Variants in PHKG1 observed in about 807,000 individuals in gnomAD.
PHKG1 encodes phosphorylase kinase catalytic subunit gamma 1.
Under a neutral mutation model 50.5 loss-of-function variants are expected in PHKG1, and 48 were observed. The observed-to-expected ratio is 0.95, with a 90% CI of 0.75 to 1.21. The LOEUF (loss-of-function observed/expected upper bound fraction) is 1.21, where lower values mean the gene tolerates loss of function less well. PHKG1 is among the 50% of genes most tolerant of loss of function. The pLI, the probability that PHKG1 is intolerant of heterozygous loss-of-function variation, is 0.00. For missense variants in PHKG1, 487 were observed against 519.5 expected (o/e 0.94, Z 0.61); for synonymous variants, 204 against 212.8 (o/e 0.96, Z 0.36).
chr7:56,083,613 TG>T, intron 5 of PHKG1, 36 bp downstream of exon 5: 2 of 1,553,416 alleles, frequency 1.3e-6, no homozygotes, highest in African/African-American at 1.4e-5. Flanking sequence ...CTAAGCCACG[TG>T]GGAGGGAGCG....
chr7:56,088,768 G>T, intron 2 of PHKG1, 91 bp downstream of exon 2: 1 of 802,910 alleles, frequency 1.2e-6, no homozygotes, highest in Non-Finnish European at 2.1e-6. Flanking sequence ...TGAAAGTGGC[G>T]TTAGTACTCG....
Position 56,081,003 on chromosome 7 carries a change from A to T in PHKG1, c.*51T>A, listed in dbSNP as rs1795947031. The T allele has an allele frequency of 3.1e-6, 5 of 1,601,408 alleles. No individual in the cohort carries two copies. In the East Asian group the frequency reaches 1.1e-4, roughly 36 times the overall value. On this transcript the variant is annotated 3_prime_UTR_variant, in exon 10 of 10. Transcript: ENST00000297373. The surrounding 1 kb of genome is among the most constrained non-coding windows in gnomAD (Gnocchi z 4.6). Reference sequence around the variant, plus strand: ...TCTCACCCCTTTGACTTGTATTTCCATGGCTTCCCCTCCCCACCTGCCCCC... The same window carrying T: ...TCTCACCCCTTTGACTTGTATTTCCTTGGCTTCCCCTCCCCACCTGCCCCC...
chr7:56,089,616 C>T (rs1025628403), intron 1 of PHKG1, among the ~76,000 whole-genome samples: 1 of 144,102 alleles, frequency 6.9e-6, no homozygotes, highest in Non-Finnish European at 1.5e-5. Context: ...CTCCACCTCC[C>T]AGGTTCAAGC....
intron 5 of PHKG1, 86 bp from the exon 6 acceptor site, chr7:56,083,527 T>A (rs1796118361): frequency 6.5e-7 from 1 of 1,545,410 alleles, no homozygotes; most frequent in Non-Finnish European, 8.9e-7. Context: ...TCAGCCACAC[T>A]GCAAGGGAGC....
chr7:56,081,842 C>A lies in PHKG1; in HGVS notation c.792+51G>T. ...AAGGCAGGGCCTCCCCGGGCAGGGGCGCCTGGCATCGCAGCCCTGAGCCCA... is the reference window on the plus strand; with the variant it reads ...AAGGCAGGGCCTCCCCGGGCAGGGGAGCCTGGCATCGCAGCCCTGAGCCCA... On this transcript the variant is annotated intron_variant, in intron 8 of 9. Transcript: ENST00000297373. The surrounding 1 kb of genome is among the most constrained non-coding windows in gnomAD (Gnocchi z 4.6). The A allele has an allele frequency of 6.2e-7, 1 of 1,609,196 alleles. No homozygotes were observed.
intron 2 of PHKG1, chr7:56,088,627 G>T: frequency 2.3e-6 from 1 of 427,708 alleles, no homozygotes; most frequent in South Asian, 4.0e-5. Flanking sequence ...AAAGTGCTGG[G>T]ATTACAGGTG....
chr7:56,089,342 G>T (rs1353476850), intron 1 of PHKG1, among the ~76,000 whole-genome samples: 2 of 151,438 alleles, frequency 1.3e-5, no homozygotes, highest in Non-Finnish European at 2.9e-5. Flanking sequence ...AGAGGTTGCA[G>T]TGAGCCGAGA....
At chr7:56,087,821 A>C in intron 2 of PHKG1, 45 bp from the exon 3 acceptor site, 1 of 1,519,778 alleles carries the variant, frequency 6.6e-7, no homozygotes, top group Non-Finnish European at 9.0e-7. Flanking sequence ...CCCTCACCCC[A>C]TGGGGGGTCC....
At position 56,088,849 on chromosome 7, in the gene PHKG1, T is replaced by A. The variant is rs375905438; in HGVS notation, c.83+10A>T. ...AGGACAGCACTTCGTGGGGAAAGCT[T>A]GGGCTTTACCTGCCCAGGATCTCTT... On this transcript the variant is annotated intron_variant, in intron 2 of 9. Transcript: ENST00000297373. 37 of 1,605,514 alleles carry A rather than the reference T, an allele frequency of 2.3e-5. No individual in the cohort carries two copies. The highest frequency in any genetic ancestry group is 3.2e-5 in the Non-Finnish European group (37 of 1,173,368).
intron 1 of PHKG1, among the ~76,000 whole-genome samples, chr7:56,089,794 G>A (rs1381648569): frequency 6.6e-6 from 1 of 152,142 alleles, no homozygotes; most frequent in East Asian, 1.9e-4. Context: ...AAAGTGCTGG[G>A]ATTAAAGGCG....
chr7:56,082,563 A>T (rs761884107), intron 6 of PHKG1, among the ~76,000 whole-genome samples: 6 of 152,036 alleles, frequency 3.9e-5, no homozygotes, highest in Non-Finnish European at 8.8e-5. Flanking sequence ...ACTTCACTCC[A>T]GCCTGGTGAC....
At chr7:56,087,227 A>G (rs977989091) in intron 3 of PHKG1, among the ~76,000 whole-genome samples, 28 of 147,644 alleles carry the variant, frequency 1.9e-4, no homozygotes, top group Admixed American at 1.8e-3. Context: ...TATTATTATT[A>G]TTATTATTAT....
At chr7:56,092,688 T>C (rs954649402) in intron 1 of PHKG1, 148 bp downstream of exon 1, 2 of 152,028 alleles carry the variant, frequency 1.3e-5, no homozygotes, top group Admixed American at 1.3e-4. Flanking sequence ...GTTTCAAGGG[T>C]CAATGCTGCC....
intron 2 of PHKG1, 79 bp from the exon 3 acceptor site, chr7:56,087,855 T>A: frequency 8.8e-7 from 1 of 1,139,676 alleles, no homozygotes; most frequent in Non-Finnish European, 1.3e-6. Context: ...GCAGCAGAGA[T>A]GTCCTGCCCT....
intron 6 of PHKG1, among the ~76,000 whole-genome samples, chr7:56,082,651 C>T (rs3778868): frequency 4.6e-5 from 7 of 152,086 alleles, no homozygotes; most frequent in African/African-American, 4.8e-5. Context: ...AAATGGCGCT[C>T]GGGCTGGGAC....
chr7:56,088,956 T>C lies in PHKG1; in HGVS notation c.-15A>G, dbSNP rs767285278. The C allele has an allele frequency of 6.3e-7, 1 of 1,592,162 alleles. No individual in the cohort carries two copies. The highest frequency in any genetic ancestry group is 8.6e-7 in the Non-Finnish European group (1 of 1,160,510). ...TCCCGGGTCATGCTCAGATCTTCAG[T>C]GAGGGAACTCTGGGTGGCTCTGAGA... On this transcript the variant is annotated 5_prime_UTR_variant, in exon 2 of 10. Coordinates refer to ENST00000297373, the MANE Select transcript of PHKG1 (RefSeq NM_006213.5).
At chr7:56,085,170 A>T (rs1796200768) in intron 4 of PHKG1, among the ~76,000 whole-genome samples, 2 of 152,154 alleles carry the variant, frequency 1.3e-5, no homozygotes, top group South Asian at 4.1e-4. Context: ...CATGTTGCCC[A>T]GGCTGGTCTC....
In PHKG1 at chr7:56,080,874, A is replaced by T; in HGVS notation, c.*180T>A. 1.4e-6 allele frequency: 1 copy of T among 706,272 alleles called. No individual in the cohort carries two copies. The allele number at this position is 706,272 out of a possible 1,614,324, so 43.8% of individuals were successfully genotyped here. ...CCTGCAGGTATTGCTGTGTGGTGGG[A>T]ACACCCACTTCCCTTGTGCACAGCC... On this transcript the variant is annotated 3_prime_UTR_variant, in exon 10 of 10. Transcript: ENST00000297373.
chr7:56,082,066 G>A lies in PHKG1; in HGVS notation c.639-20C>T, dbSNP rs747814066. 3.3e-5 allele frequency: 53 copies of A among 1,610,144 alleles called. No individual in the cohort carries two copies. Among genetic ancestry groups the A allele is most frequent in the Admixed American group, 1.3e-4 (8 of 59,870 alleles). On this transcript the variant is annotated intron_variant, in intron 7 of 9. Transcript: ENST00000297373. ...CTCCACCTGGACATGCGAGGGCCCA[G>A]GGCCACTTACCCAGCGCCAGGGGCA...
Sources: allele counts gnomAD v4.1 joint callset (sites outside exome capture counted in the v4.1 genomes callset), GRCh38; gene constraint gnomAD v4.1.1; non-coding constraint Gnocchi (gnomAD v3.1); transcripts MANE v1.5; gene names NCBI Gene and HGNC (gene_info 2026-07-23, HGNC 2026-07-21).